GRID2: variants seen among roughly 807,000 people sequenced by gnomAD.
GRID2 encodes the protein glutamate receptor ionotropic, delta-2.
In GRID2, 33 loss-of-function variants were observed where a neutral mutation model predicts 114.8. The observed-to-expected ratio is 0.29, with a 90% CI of 0.22 to 0.38. The LOEUF is 0.38. Ranked by LOEUF, GRID2 falls within the 10% of genes least tolerant of loss-of-function variation. GRID2 has a pLI of 1.00. For synonymous variants in GRID2, 505 were observed against 449.9 expected (o/e 1.12, Z -1.55); for missense variants, 1,184 against 1,257.7 (o/e 0.94, Z 0.89).
chr4:92,801,507 A>G (rs374538531), intron 2 of GRID2, among the ~76,000 whole-genome samples: 3 of 151,974 alleles, frequency 2.0e-5, no homozygotes, highest in Non-Finnish European at 4.4e-5. Flanking sequence ...ATAGTTGCAT[A>G]TAAGTATTCA....
chr4:93,124,310 A>G (rs1003227809), intron 4 of GRID2, among the ~76,000 whole-genome samples: 1 of 152,150 alleles, frequency 6.6e-6, no homozygotes, highest in African/African-American at 2.4e-5. Flanking sequence ...CTCTGCTCCT[A>G]CTCTATGACA....
At position 92,945,001 on chromosome 4, in the gene GRID2, T is replaced by C. The variant is rs543495086; in HGVS notation, c.245-139994T>C. ...GGATTATATGAAACCTGTGAATAATTGCTTTTGTGTATATTGATTCTTCAG... is the reference window on the plus strand; with the variant it reads ...GGATTATATGAAACCTGTGAATAATCGCTTTTGTGTATATTGATTCTTCAG... On this transcript the variant is annotated intron_variant, in intron 2 of 15. Transcript: ENST00000282020. Among the ~76,000 whole-genome samples the C allele has an allele frequency of 1.6e-4, 25 of 152,314 alleles. No homozygotes were observed. The South Asian group carries it at 5.2e-3, about 32-fold the overall frequency.
intron 8 of GRID2, among the ~76,000 whole-genome samples, chr4:93,312,793 A>C (rs1178682063): frequency 1.3e-5 from 2 of 152,200 alleles, no homozygotes; most frequent in Non-Finnish European, 2.9e-5. Flanking sequence ...TGTTTCCATT[A>C]GTTCACTACC....
chr4:93,519,016 A>C (rs981199652), intron 13 of GRID2, among the ~76,000 whole-genome samples: 13 of 152,154 alleles, frequency 8.5e-5, no homozygotes, highest in African/African-American at 3.1e-4. Context: ...CAGTGTCTGC[A>C]TCACGTGAGA....
chr4:93,172,187 C>T (rs1314290785), intron 4 of GRID2, among the ~76,000 whole-genome samples: 7 of 152,096 alleles, frequency 4.6e-5, no homozygotes, highest in African/African-American at 1.7e-4. Context: ...GTGATGTGTT[C>T]TTAAGTTTTG....
intron 2 of GRID2, among the ~76,000 whole-genome samples, chr4:92,991,539 G>A (rs140100451): frequency 2.0e-5 from 3 of 152,290 alleles, no homozygotes; most frequent in Admixed American, 6.5e-5. Flanking sequence ...AATGTGAATC[G>A]AATGTCTCAA....
At chr4:92,343,274 A>G (rs1172793572) in intron 1 of GRID2, among the ~76,000 whole-genome samples, 1 of 151,618 alleles carries the variant, frequency 6.6e-6, no homozygotes, top group Non-Finnish European at 1.5e-5. Context: ...CAACATATAT[A>G]TGTTTGTAAT....
At chr4:93,476,796 T>C (rs1458144160) in intron 11 of GRID2, among the ~76,000 whole-genome samples, 1 of 152,134 alleles carries the variant, frequency 6.6e-6, no homozygotes, top group African/African-American at 2.4e-5. Flanking sequence ...CCATTGTTTT[T>C]GAAACTTATA....
At chr4:92,598,356 G>A (rs1366397824) in intron 2 of GRID2, among the ~76,000 whole-genome samples, 5 of 152,114 alleles carry the variant, frequency 3.3e-5, no homozygotes, top group African/African-American at 1.2e-4. Flanking sequence ...CCTAGTGTTA[G>A]GTCCTGACCT....
intron 5 of GRID2, among the ~76,000 whole-genome samples, chr4:93,212,114 A>G (rs1743573554): frequency 6.6e-6 from 1 of 152,138 alleles, no homozygotes; most frequent in African/African-American, 2.4e-5. Context: ...CTCTAAATGT[A>G]ATAATAAAAA....
intron 1 of GRID2, among the ~76,000 whole-genome samples, chr4:92,454,825 G>T (rs1209219423): frequency 6.6e-6 from 1 of 152,172 alleles, no homozygotes; most frequent in East Asian, 1.9e-4. Flanking sequence ...GACAGAGCGA[G>T]ACTCCGTCTC....
intron 2 of GRID2, among the ~76,000 whole-genome samples, chr4:92,786,791 C>A (rs1277955054): frequency 6.6e-6 from 1 of 151,966 alleles, no homozygotes; most frequent in Non-Finnish European, 1.5e-5. Context: ...AAACAGACCA[C>A]AGTTGAACAA....
At chr4:92,469,540 TG>T (rs1721919447) in intron 1 of GRID2, among the ~76,000 whole-genome samples, 1 of 152,278 alleles carries the variant, frequency 6.6e-6, no homozygotes, top group African/African-American at 2.4e-5. Context: ...ATATTTTTAT[TG>T]TTGTATTGTT....
At chr4:92,962,760 A>G (rs1040920220) in intron 2 of GRID2, among the ~76,000 whole-genome samples, 1 of 151,942 alleles carries the variant, frequency 6.6e-6, no homozygotes, top group Non-Finnish European at 1.5e-5. Flanking sequence ...AGATCCCCCT[A>G]GAGTTTTTGA....
Position 93,059,532 on chromosome 4 carries a change from C to T in GRID2, c.245-25463C>T, listed in dbSNP as rs182134168. On this transcript the variant is annotated intron_variant, in intron 2 of 15. Coordinates refer to ENST00000282020, the MANE Select transcript of GRID2 (RefSeq NM_001510.4). ...AGTGTCACCTGGGGGAGCAAAATTG[C>T]TCCTAGTTAAGAGCCACTGGACTAA... is the stretch of plus-strand genomic sequence containing the variant. Among the ~76,000 whole-genome samples, 444 of 152,120 alleles carry T rather than the reference C, an allele frequency of 2.9e-3. 7 individuals carry two copies. Among genetic ancestry groups the T allele is most frequent in the Non-Finnish European group, 3.2e-4 (22 of 67,986 alleles).
chr4:92,396,696 A>C lies in GRID2; in HGVS notation c.88+91952A>C, dbSNP rs564367895. 6.0e-4 allele frequency among the ~76,000 whole-genome samples: 92 copies of C among 152,200 alleles called. 1 individual carries two copies. The highest frequency in any genetic ancestry group is 2.2e-3 in the African/African-American group (91 of 41,588). ...TATTAAAGATGGTCAAAGCAAGACA[A>C]TATCTTTTATGAAATTATTTTAATC... On this transcript the variant is annotated intron_variant, in intron 1 of 15. Transcript: ENST00000282020.
intron 2 of GRID2, among the ~76,000 whole-genome samples, chr4:93,034,600 C>T (rs1382021371): frequency 1.3e-5 from 2 of 152,088 alleles, no homozygotes; most frequent in Non-Finnish European, 2.9e-5. Flanking sequence ...ATATACTCAC[C>T]AACATGTCCC....
chr4:92,532,671 T>C (rs1184079574), intron 1 of GRID2, among the ~76,000 whole-genome samples: 5 of 152,158 alleles, frequency 3.3e-5, no homozygotes, highest in African/African-American at 1.2e-4. Flanking sequence ...GTTTAGAGTA[T>C]GTGGTCAAAA....
chr4:93,186,259 G>C (rs191067021), intron 4 of GRID2, among the ~76,000 whole-genome samples: 1 of 152,226 alleles, frequency 6.6e-6, no homozygotes, highest in African/African-American at 2.4e-5. Context: ...TATATACCCA[G>C]TAGTGGGATG....
Sources: gnomAD v4.1 joint callset for allele counts (sites outside exome capture counted in the v4.1 genomes callset) on GRCh38, gnomAD v4.1.1 for gene constraint, MANE v1.5 for transcripts, NCBI Gene and HGNC (gene_info 2026-07-23, HGNC 2026-07-21) for gene names.